Variants in NRG2 observed in about 807,000 individuals in gnomAD.
NRG2 encodes neuregulin 2.
Under a neutral mutation model 73.9 loss-of-function variants are expected in NRG2, and 27 were observed. The observed-to-expected ratio is 0.37, with a 90% CI of 0.27 to 0.50. The LOEUF (loss-of-function observed/expected upper bound fraction) is 0.50, where lower values mean the gene tolerates loss of function less well. Among genes scored for constraint, NRG2 ranks in the 20% least tolerant of loss-of-function variants. The probability of loss-of-function intolerance (pLI) is 0.96; values close to 1 mark genes in which losing one functional copy is unlikely to be tolerated. For synonymous variants in NRG2, 532 were observed against 541.0 expected (o/e 0.98, Z 0.23); for missense variants, 1,126 against 1,210.1 (o/e 0.93, Z 1.03).
chr5:139,999,918 G>A (rs1758305563), intron 1 of NRG2, among the ~76,000 whole-genome samples: 1 of 152,212 alleles, frequency 6.6e-6, no homozygotes, highest in Non-Finnish European at 1.5e-5. Flanking sequence ...ATGCCCAGGG[G>A]AAAACAAGCA....
intron 1 of NRG2, among the ~76,000 whole-genome samples, chr5:140,022,003 C>T (rs958266848): frequency 2.3e-4 from 35 of 152,256 alleles, no homozygotes; most frequent in African/African-American, 8.2e-4. Context: ...CCAGTCCAAT[C>T]CTCTCACTTA....
At chr5:139,902,924 A>C (rs907500224) in intron 1 of NRG2, among the ~76,000 whole-genome samples, 4 of 152,212 alleles carry the variant, frequency 2.6e-5, no homozygotes, top group Non-Finnish European at 5.9e-5. Context: ...AGAAATGGGC[A>C]AAGAGCTTTT....
At chr5:139,888,676 ATACG>A (rs1160955022) in intron 1 of NRG2, among the ~76,000 whole-genome samples, 1 of 152,202 alleles carries the variant, frequency 6.6e-6, no homozygotes, top group African/African-American at 2.4e-5. Flanking sequence ...GCTGCTGCAT[ATACG>A]CAGGGAGTAG....
chr5:139,908,919 G>T (rs1765420031), intron 1 of NRG2, among the ~76,000 whole-genome samples: 1 of 152,216 alleles, frequency 6.6e-6, no homozygotes, highest in Non-Finnish European at 1.5e-5. Flanking sequence ...GGCATCTGGA[G>T]CACCTCTGGC....
At position 139,851,397 on chromosome 5, in the gene NRG2, A is replaced by G. The variant is rs1315894001; in HGVS notation, c.1772+207T>C. 6.6e-6 allele frequency among the ~76,000 whole-genome samples: 1 copy of G among 152,248 alleles called. No homozygotes were observed. The highest frequency in any genetic ancestry group is 1.5e-5 in the Non-Finnish European group (1 of 68,038). ...AGATGGTCACTGTCCACCAGGGTCC[A>G]CTGGCCCAACTCTAGTCCCAGTCTG... is the stretch of plus-strand genomic sequence containing the variant. On this transcript the variant is annotated intron_variant, in intron 9 of 9. Coordinates refer to ENST00000361474, the MANE Select transcript of NRG2 (RefSeq NM_004883.3). This position sits in a 1 kb window ranked among gnomAD's most constrained non-coding sequence, Gnocchi z 4.2.
chr5:139,938,889 A>AG lies in NRG2; in HGVS notation c.701-51379_701-51378insC. ...GAGAGAGAGAGAGAGAGAAGGAAAG[A>AG]AAGAAAGAAAGAAAGAAAAGAAAGA... On this transcript the variant is annotated intron_variant, in intron 1 of 9. Coordinates refer to ENST00000361474, the MANE Select transcript of NRG2 (RefSeq NM_004883.3). Among the ~76,000 whole-genome samples the AG allele has an allele frequency of 1.1e-4, 8 of 72,650 alleles. No homozygotes were observed. In the South Asian group the frequency reaches 2.0e-3, roughly 18 times the overall value. 47.7% of individuals were successfully genotyped at this position (72,650 alleles called of 152,430 possible). A position where few individuals can be genotyped will look rare whatever the true frequency, so the allele number is the denominator to read the frequency against.
intron 1 of NRG2, among the ~76,000 whole-genome samples, chr5:139,973,406 G>A (rs897976611): frequency 2.6e-4 from 40 of 151,980 alleles, no homozygotes; most frequent in African/African-American, 9.4e-4. Context: ...TGCCTGGGCT[G>A]GAGTACAGTG....
chr5:140,031,327 T>C (rs892570060), intron 1 of NRG2, among the ~76,000 whole-genome samples: 1 of 152,110 alleles, frequency 6.6e-6, no homozygotes, highest in South Asian at 2.1e-4. Flanking sequence ...ACAAACAGAC[T>C]GTGAAAAAGA....
rs1421747947 is a variant in NRG2, at chr5:139,904,284, C to T, written c.701-16773G>A. ...GGTTTCTCCCAGGGAAACCGGGTTT[C>T]TGGGCGCGCGGAGGTGCCCTACCTT... On this transcript the variant is annotated intron_variant, in intron 1 of 9. Coordinates refer to ENST00000361474, the MANE Select transcript of NRG2 (RefSeq NM_004883.3). This position sits in a 1 kb window ranked among gnomAD's most constrained non-coding sequence, Gnocchi z 6.0. 6.3e-7 allele frequency: 1 copy of T among 1,583,034 alleles called. No homozygotes were observed. Among genetic ancestry groups the T allele is most frequent in the East Asian group, 2.3e-5 (1 of 43,422 alleles).
At chr5:139,908,721 C>G (rs990275012) in intron 1 of NRG2, among the ~76,000 whole-genome samples, 3 of 152,202 alleles carry the variant, frequency 2.0e-5, no homozygotes, top group Non-Finnish European at 2.9e-5. Flanking sequence ...AAAGCCCTCA[C>G]CCCTCAAGCC....
At chr5:139,967,773 A>G (rs910734029) in intron 1 of NRG2, among the ~76,000 whole-genome samples, 1 of 152,052 alleles carries the variant, frequency 6.6e-6, no homozygotes, top group Non-Finnish European at 1.5e-5. Context: ...ATTCTGGCCA[A>G]CATGGTGAAA....
chr5:140,033,803 T>C (rs1034827167), intron 1 of NRG2, among the ~76,000 whole-genome samples: 5 of 152,244 alleles, frequency 3.3e-5, no homozygotes, highest in Admixed American at 6.5e-5. Flanking sequence ...TTAACATTTT[T>C]CAATCAAGTG....
chr5:139,903,512 C>A (rs1765019737), intron 1 of NRG2, among the ~76,000 whole-genome samples: 1 of 152,200 alleles, frequency 6.6e-6, no homozygotes, highest in Admixed American at 6.5e-5. Context: ...AAGCCTGGTT[C>A]TACGGAGAGG....
chr5:139,936,533 C>T (rs1244238856), intron 1 of NRG2, among the ~76,000 whole-genome samples: 2 of 152,144 alleles, frequency 1.3e-5, no homozygotes, highest in Non-Finnish European at 2.9e-5. Flanking sequence ...ACAGTCAAAA[C>T]TCCGGGCCCA....
At chr5:140,011,508 C>T (rs1474053951) in intron 1 of NRG2, among the ~76,000 whole-genome samples, 1 of 152,136 alleles carries the variant, frequency 6.6e-6, no homozygotes, top group East Asian at 1.9e-4. Flanking sequence ...AGACTGTGAC[C>T]TCCCTCCTCC....
intron 1 of NRG2, among the ~76,000 whole-genome samples, chr5:139,962,406 G>A (rs1038039963): frequency 6.6e-6 from 1 of 152,210 alleles, no homozygotes; most frequent in Non-Finnish European, 1.5e-5. Context: ...AGATTTGCTT[G>A]GAGAAGACTG....
In NRG2 at chr5:139,904,289, C is replaced by T; in HGVS notation, c.701-16778G>A. ...CTCCCAGGGAAACCGGGTTTCTGGG[C>T]GCGCGGAGGTGCCCTACCTTTCTCC... is the stretch of plus-strand genomic sequence containing the variant. On this transcript the variant is annotated intron_variant, in intron 1 of 9. Transcript: ENST00000361474. This position sits in a 1 kb window ranked among gnomAD's most constrained non-coding sequence, Gnocchi z 6.0. The T allele has an allele frequency of 1.9e-6, 3 of 1,583,574 alleles. No homozygotes were observed. The highest frequency in any genetic ancestry group is 2.6e-6 in the Non-Finnish European group (3 of 1,173,590).
chr5:139,904,346 C>G lies in NRG2; in HGVS notation c.701-16835G>C. ...TCGGGCTCCCTCTCCCGCTTCCTCC[C>G]CTCTGGGTGCTTCTTGCCGCGGCCG... On this transcript the variant is annotated intron_variant, in intron 1 of 9. Transcript: ENST00000361474. The surrounding 1 kb of genome is among the most constrained non-coding windows in gnomAD (Gnocchi z 6.0). The G allele has an allele frequency of 6.3e-7, 1 of 1,593,414 alleles. No individual in the cohort carries two copies. Among genetic ancestry groups the G allele is most frequent in the African/African-American group, 1.3e-5 (1 of 74,396 alleles).
intron 1 of NRG2, among the ~76,000 whole-genome samples, chr5:139,951,320 A>G (rs774599698): frequency 6.6e-6 from 1 of 152,196 alleles, no homozygotes; most frequent in Non-Finnish European, 1.5e-5. Flanking sequence ...TTGGCTACTT[A>G]TCGAGAGGTA....
Sources: gnomAD v4.1 joint callset for allele counts (sites outside exome capture counted in the v4.1 genomes callset) on GRCh38, gnomAD v4.1.1 for gene constraint, Gnocchi (gnomAD v3.1) non-coding constraint, MANE v1.5 for transcripts, NCBI Gene and HGNC (gene_info 2026-07-23, HGNC 2026-07-21) for gene names.